CDHR1: variants seen among roughly 807,000 people sequenced by gnomAD.
CDHR1 encodes the protein cadherin-related family member 1.
CDHR1 carries 61 observed loss-of-function variants against 72.1 expected under a neutral mutation model. That is an observed-to-expected ratio of 0.85 (90% CI 0.69 to 1.05). The LOEUF (loss-of-function observed/expected upper bound fraction) is 1.05. CDHR1 is among the 50% of genes least tolerant of loss of function. The probability of loss-of-function intolerance (pLI) is 0.00; values close to 1 mark genes in which losing one functional copy is unlikely to be tolerated. For synonymous variants in CDHR1, 470 were observed against 448.1 expected (o/e 1.05, Z -0.62); for missense variants, 1,186 against 1,115.7 (o/e 1.06, Z -0.90).
Position 84,201,854 on chromosome 10 carries a change from C to T in CDHR1, c.573C>T (p.Arg191=), listed in dbSNP as rs939364566. ...TGGACCGCCACAGCGGTGTGCTGCG[C>T]CTCCAGGCTGGGGCCACTCTGGACT... ...FAVDRHSGVL[R]LQAGATLDYE... Residue 191 remains arginine, a synonymous_variant, in exon 7 of 17, where the codon CGC becomes CGT. Coordinates refer to ENST00000623527, the MANE Select transcript of CDHR1 (RefSeq NM_033100.4). The T allele has an allele frequency of 3.7e-6, 6 of 1,609,904 alleles. No individual in the cohort carries two copies. The highest frequency in any genetic ancestry group is 4.2e-6 in the Non-Finnish European group (5 of 1,180,028).
At chr10:84,212,517 T>A in intron 15 of CDHR1, 110 bp downstream of exon 15, 2 of 831,016 alleles carry the variant, frequency 2.4e-6, no homozygotes, top group Non-Finnish European at 4.1e-6. Flanking sequence ...CTTCCCACCA[T>A]GGACAAAGGA....
At position 84,215,156 on chromosome 10, in the gene CDHR1, G is replaced by A. The variant is rs901215010; in HGVS notation, c.*535G>A. 3.0e-6 allele frequency: 3 copies of A among 1,013,446 alleles called. No individual in the cohort carries two copies. The African/African-American group carries it at 5.2e-5, about 18-fold the overall frequency. 62.8% of individuals were successfully genotyped at this position (1,013,446 alleles called of 1,614,324 possible). A position where few individuals can be genotyped will look rare whatever the true frequency, so the allele number is the denominator to read the frequency against. ...TGTAGGAAAGCAAATGTAGGTAAGG[G>A]GAGAGCAAGGATGCACAGAAAACAC... On this transcript the variant is annotated 3_prime_UTR_variant, in exon 17 of 17. Coordinates refer to ENST00000623527, the MANE Select transcript of CDHR1 (RefSeq NM_033100.4).
Position 84,214,479 on chromosome 10 carries a change from C to T in CDHR1, c.2438C>T (p.Thr813Ile). 1 of 1,609,460 alleles carries T rather than the reference C, an allele frequency of 6.2e-7. No individual in the cohort carries two copies. The highest frequency in any genetic ancestry group is 8.5e-7 in the Non-Finnish European group (1 of 1,179,528). ...GGCGCAGCCCAGTGGACCGTGCCTACTGTCTCTGGCTCTCTCACTCCGCAG... is the reference window on the plus strand; with the variant it reads ...GGCGCAGCCCAGTGGACCGTGCCTATTGTCTCTGGCTCTCTCACTCCGCAG... ...STGAAQWTVP[T>I]VSGSLTPQPT... Residue 813 changes from threonine to isoleucine, a missense_variant, in exon 17 of 17, where the codon ACT becomes ATT. Transcript: ENST00000623527.
Position 84,202,392 on chromosome 10 carries a change from C to T in CDHR1, c.639+472C>T, listed in dbSNP as rs144160713. On this transcript the variant is annotated intron_variant, in intron 7 of 16. Coordinates refer to ENST00000623527, the MANE Select transcript of CDHR1 (RefSeq NM_033100.4). Reference sequence around the variant, plus strand: ...GAAACATTGGAAACCAGCAGGTGCCCACCAAAGCTTCTTCCCCCACAAAGA... The same window carrying T: ...GAAACATTGGAAACCAGCAGGTGCCTACCAAAGCTTCTTCCCCCACAAAGA... Among the ~76,000 whole-genome samples the T allele has an allele frequency of 9.2e-5, 14 of 152,304 alleles. No individual in the cohort carries two copies. The East Asian group carries it at 2.5e-3, about 27-fold the overall frequency.
chr10:84,209,443 T>C (rs1474067628), intron 12 of CDHR1, among the ~76,000 whole-genome samples: 1 of 152,098 alleles, frequency 6.6e-6, no homozygotes, highest in East Asian at 1.9e-4. Context: ...TGAAATACTA[T>C]TATAAAAGCA....
rs1260583792 is a variant in CDHR1, at chr10:84,216,114, A to G, written c.*1493A>G. On this transcript the variant is annotated 3_prime_UTR_variant, in exon 17 of 17. Transcript: ENST00000623527. ...TGTGCCCTGCTTTAAGGAACCTGCTATCAGGAAATCTACATGTGTGCACAG... is the reference window on the plus strand; with the variant it reads ...TGTGCCCTGCTTTAAGGAACCTGCTGTCAGGAAATCTACATGTGTGCACAG... The G allele has an allele frequency of 6.1e-6, 6 of 985,372 alleles. No individual in the cohort carries two copies. The highest frequency in any genetic ancestry group is 6.1e-5 in the Admixed American group (1 of 16,270). The allele number at this position is 985,372 out of a possible 1,614,324, so 61.0% of individuals were successfully genotyped here. A position where few individuals can be genotyped will look rare whatever the true frequency, so the allele number is the denominator to read the frequency against.
intron 14 of CDHR1, 93 bp downstream of exon 14, chr10:84,211,808 G>A: frequency 9.3e-7 from 1 of 1,074,098 alleles, no homozygotes. Flanking sequence ...GGAGGGGCCT[G>A]GGAGGGACAG....
chr10:84,200,538 C>T, intron 5 of CDHR1, 63 bp from the exon 6 acceptor site: 4 of 1,149,440 alleles, frequency 3.5e-6, no homozygotes, highest in Non-Finnish European at 3.9e-6. Flanking sequence ...GCCCCTATGC[C>T]TCTGTCCCCC....
intron 10 of CDHR1, 48 bp from the exon 11 acceptor site, chr10:84,208,126 T>C: frequency 6.6e-7 from 1 of 1,507,182 alleles, no homozygotes; most frequent in Non-Finnish European, 9.2e-7. Flanking sequence ...CTGGACCATA[T>C]GAAGGGTCCA....
intron 11 of CDHR1, 81 bp from the exon 12 acceptor site, chr10:84,208,648 C>T: frequency 2.2e-6 from 3 of 1,388,322 alleles, no homozygotes; most frequent in Non-Finnish European, 3.1e-6. Context: ...GGGTTAAGGG[C>T]ACGTGAAGAC....
downstream of CDHR1, chr10:84,219,429 C>A: frequency 7.9e-7 from 1 of 1,271,356 alleles, no homozygotes; most frequent in Non-Finnish European, 1.0e-6. Context: ...CTTCTCTCAT[C>A]CTGACCCCTC....
At chr10:84,200,243 A>G (rs1341027620) in intron 5 of CDHR1, among the ~76,000 whole-genome samples, 1 of 152,038 alleles carries the variant, frequency 6.6e-6, no homozygotes, top group African/African-American at 2.4e-5. Flanking sequence ...ATGTAGGTAT[A>G]TGGTCCCTGG....
At chr10:84,208,653 G>A in intron 11 of CDHR1, 76 bp from the exon 12 acceptor site, 1 of 1,466,244 alleles carries the variant, frequency 6.8e-7, no homozygotes, top group African/African-American at 1.4e-5. Flanking sequence ...AAGGGCACGT[G>A]AAGACTTCTA....
Position 84,212,391 on chromosome 10 carries a change from C to A in CDHR1, c.1766C>A (p.Thr589Asn). ...SVQKKTMVLG[T>N]PVKIEAIDED... is the part of the protein sequence containing the mutation. ...CAGAAGAAGACGATGGTGCTAGGGA[C>A]CCCAGTGAAAATTGAGGTAAGTTTT... The change falls in exon 15 of 17, where the codon ACC becomes AAC. Residue 589 changes from threonine (T) to asparagine (N), a missense_variant. Transcript: ENST00000623527. 1 of 1,614,100 alleles carries A rather than the reference C, an allele frequency of 6.2e-7. No individual in the cohort carries two copies. Among genetic ancestry groups the A allele is most frequent in the Non-Finnish European group, 8.5e-7 (1 of 1,179,960 alleles).
At chr10:84,201,961 C>A in intron 7 of CDHR1, 41 bp downstream of exon 7, 1 of 1,499,400 alleles carries the variant, frequency 6.7e-7, no homozygotes, top group Non-Finnish European at 9.1e-7. Context: ...GTCTCCTCAG[C>A]CCTTGGGTTG....
chr10:84,196,432 GT>G, intron 2 of CDHR1, 72 bp from the exon 3 acceptor site: 1 of 1,524,552 alleles, frequency 6.6e-7, no homozygotes, highest in South Asian at 1.1e-5. Flanking sequence ...TGAATCGTTG[GT>G]CCTGAGCATC....
rs2132821006 is a variant in CDHR1, at chr10:84,208,389, T to C, written c.1167+12T>C. 1 of 1,613,660 alleles carries C rather than the reference T, an allele frequency of 6.2e-7. No individual in the cohort carries two copies. The highest frequency in any genetic ancestry group is 8.5e-7 in the Non-Finnish European group (1 of 1,179,636). ...ATGACTCCGACCAGGTGTGTGGTCC[T>C]GCCCTCCGCTCTGCCTTCTCACAAA... On this transcript the variant is annotated intron_variant, in intron 11 of 16. Coordinates refer to ENST00000623527, the MANE Select transcript of CDHR1 (RefSeq NM_033100.4).
chr10:84,200,342 G>A (rs1842100565), intron 5 of CDHR1, among the ~76,000 whole-genome samples: 1 of 152,096 alleles, frequency 6.6e-6, no homozygotes, highest in South Asian at 2.1e-4. Flanking sequence ...TTGGGGTCTT[G>A]GTTTTTTTCT....
chr10:84,219,042 G>A (rs988285081), downstream of CDHR1: 1 of 769,612 alleles, frequency 1.3e-6, no homozygotes, highest in South Asian at 1.9e-5. Context: ...TTTTACAGGT[G>A]AGAACACTAA....
Sources: gnomAD v4.1 joint callset for allele counts (sites outside exome capture counted in the v4.1 genomes callset) on GRCh38, gnomAD v4.1.1 for gene constraint, MANE v1.5 for transcripts, NCBI Gene and HGNC (gene_info 2026-07-23, HGNC 2026-07-21) for gene names.